AFF3: variants seen among roughly 807,000 people sequenced by gnomAD.
The protein encoded by AFF3 is ALF transcription elongation factor 3.
In AFF3, 32 loss-of-function variants were observed where a neutral mutation model predicts 129.7. The observed-to-expected ratio is 0.25, with a 90% CI of 0.19 to 0.33. The LOEUF is 0.33. Ranked by LOEUF, AFF3 falls within the 10% of genes least tolerant of loss-of-function variation. The pLI is 1.00. For synonymous variants in AFF3, 644 were observed against 635.4 expected, an observed-to-expected ratio of 1.01 and a Z score of -0.20; for missense variants, 1,373 against 1,592.0, an observed-to-expected ratio of 0.86 and a Z score of 2.34.
chr2:99,823,659 C>T (rs1029340391), intron 8 of AFF3, among the ~76,000 whole-genome samples: 2 of 152,118 alleles, frequency 1.3e-5, no homozygotes, highest in Non-Finnish European at 2.9e-5. Context: ...GTCATATGTT[C>T]TTTGCAGTGC....
intron 11 of AFF3, among the ~76,000 whole-genome samples, chr2:99,724,183 T>C (rs1291259763): frequency 6.6e-6 from 1 of 151,356 alleles, no homozygotes; most frequent in African/African-American, 2.4e-5. Context: ...AGTTTGTCTC[T>C]TGAGACCCAC....
intron 7 of AFF3, among the ~76,000 whole-genome samples, chr2:99,863,770 AGATTAG>A (rs1691174527): frequency 6.6e-6 from 1 of 152,204 alleles, no homozygotes; most frequent in Non-Finnish European, 1.5e-5. Flanking sequence ...GCCCTGGGCC[AGATTAG>A]GATGGATACA....
At chr2:100,113,440 G>A (rs1691598992) in intron 2 of AFF3, among the ~76,000 whole-genome samples, 1 of 152,148 alleles carries the variant, frequency 6.6e-6, no homozygotes, top group Admixed American at 6.6e-5. Flanking sequence ...CATGAAACAG[G>A]CCATATACAA....
intron 7 of AFF3, among the ~76,000 whole-genome samples, chr2:99,949,670 C>A (rs1171975855): frequency 6.6e-6 from 1 of 152,110 alleles, no homozygotes; most frequent in African/African-American, 2.4e-5. Context: ...AGGATTCATG[C>A]TTCTATAAGA....
chr2:99,630,871 G>T, intron 13 of AFF3: 1 of 268,664 alleles, frequency 3.7e-6, no homozygotes, highest in Non-Finnish European at 8.2e-6. Context: ...GATTTGGGTG[G>T]TGACACAGAG....
chr2:99,777,990 T>A (rs944767158), intron 8 of AFF3, among the ~76,000 whole-genome samples: 3 of 149,138 alleles, frequency 2.0e-5, no homozygotes, highest in Admixed American at 6.7e-5. Flanking sequence ...AAAAATTAGT[T>A]CCAGCACTAT....
At chr2:99,859,408 C>G (rs1690799433) in intron 7 of AFF3, among the ~76,000 whole-genome samples, 1 of 152,210 alleles carries the variant, frequency 6.6e-6, no homozygotes, top group African/African-American at 2.4e-5. Context: ...TCCAGACCTA[C>G]TGAGTCAGAA....
At chr2:99,717,102 T>C (rs1176240237) in intron 11 of AFF3, among the ~76,000 whole-genome samples, 1 of 152,338 alleles carries the variant, frequency 6.6e-6, no homozygotes, top group East Asian at 1.9e-4. Context: ...AAGTATTCCA[T>C]TGTATGAATA....
chr2:99,632,663 T>A (rs1192878038), intron 13 of AFF3, among the ~76,000 whole-genome samples: 3 of 152,160 alleles, frequency 2.0e-5, no homozygotes, highest in Non-Finnish European at 4.4e-5. Flanking sequence ...TCTACCTGAA[T>A]TCCCCTAGTT....
At chr2:100,033,156 G>T (rs1432570525) in intron 4 of AFF3, among the ~76,000 whole-genome samples, 1 of 152,136 alleles carries the variant, frequency 6.6e-6, no homozygotes, top group African/African-American at 2.4e-5. Context: ...CTGGAAGCAT[G>T]GAGATGGAGT....
At chr2:99,679,058 G>A (rs561435741) in intron 11 of AFF3, among the ~76,000 whole-genome samples, 45 of 152,282 alleles carry the variant, frequency 3.0e-4, no homozygotes, top group African/African-American at 1.0e-3. Context: ...GTGCATCCAA[G>A]GCACAGGTGA....
chr2:99,887,778 T>C (rs888338867), intron 7 of AFF3, among the ~76,000 whole-genome samples: 4 of 152,238 alleles, frequency 2.6e-5, no homozygotes, highest in African/African-American at 4.8e-5. Context: ...TTTCCATACA[T>C]TGTCTAATCC....
At chr2:99,633,206 T>G (rs1212470621) in intron 13 of AFF3, among the ~76,000 whole-genome samples, 1 of 152,036 alleles carries the variant, frequency 6.6e-6, no homozygotes, top group Non-Finnish European at 1.5e-5. Flanking sequence ...AGTCAGTCAG[T>G]CAATAGTCAG....
At chr2:99,970,260 C>T (rs1163172388) in intron 7 of AFF3, among the ~76,000 whole-genome samples, 1 of 152,130 alleles carries the variant, frequency 6.6e-6, no homozygotes, top group South Asian at 2.1e-4. Flanking sequence ...GACCCAGAGA[C>T]GTTCCTTCTC....
intron 7 of AFF3, among the ~76,000 whole-genome samples, chr2:99,847,495 A>G (rs1689823155): frequency 6.6e-6 from 1 of 151,900 alleles, no homozygotes; most frequent in African/African-American, 2.4e-5. Context: ...CTTTACTGTT[A>G]GTCTTGGAAA....
At chr2:99,611,760 G>A (rs776963244) in intron 13 of AFF3, among the ~76,000 whole-genome samples, 3 of 152,030 alleles carry the variant, frequency 2.0e-5, no homozygotes, top group Admixed American at 6.6e-5. Context: ...GGTGGCGCGC[G>A]CCTGTAATCC....
chr2:99,577,301 G>A (rs566058939), intron 18 of AFF3, among the ~76,000 whole-genome samples: 1 of 152,228 alleles, frequency 6.6e-6, no homozygotes, highest in South Asian at 2.1e-4. Flanking sequence ...GGAGCGGGGC[G>A]GACGATGAGG....
chr2:100,005,819 T>C (rs774489392), intron 7 of AFF3, among the ~76,000 whole-genome samples: 2 of 152,250 alleles, frequency 1.3e-5, no homozygotes, highest in Non-Finnish European at 2.9e-5. Flanking sequence ...GTCAAATCAT[T>C]GCTTTCATTT....
At chr2:100,056,431 G>A (rs928341953) in intron 4 of AFF3, among the ~76,000 whole-genome samples, 2 of 152,108 alleles carry the variant, frequency 1.3e-5, no homozygotes, top group Non-Finnish European at 2.9e-5. Flanking sequence ...TTTCCCCCTT[G>A]AAAGCTGGGA....
Sources: gnomAD v4.1 joint callset for allele counts (sites outside exome capture counted in the v4.1 genomes callset) on GRCh38, gnomAD v4.1.1 for gene constraint, MANE v1.5 for transcripts, NCBI Gene and HGNC (gene_info 2026-07-23, HGNC 2026-07-21) for gene names.